Variants in SESN1 observed in about 807,000 individuals in gnomAD.
SESN1 encodes the protein sestrin 1, also known as sestrin-1.
In SESN1, 30 loss-of-function variants were observed where a neutral mutation model predicts 59.3. The ratio of observed to expected loss-of-function variants is 0.51; its 90% CI spans 0.38 to 0.69. SESN1 has a LOEUF of 0.69. Among genes scored for constraint, SESN1 ranks in the 30% least tolerant of loss-of-function variants. The pLI is 0.00. For missense variants in SESN1, 566 were observed against 673.0 expected (o/e 0.84, Z 1.76); for synonymous variants, 197 against 219.9 (o/e 0.90, Z 0.92).
chr6:108,995,203 T>C (rs1054556705), intron 5 of SESN1, among the ~76,000 whole-genome samples: 2 of 152,226 alleles, frequency 1.3e-5, no homozygotes, highest in Non-Finnish European at 2.9e-5. Flanking sequence ...TATGCTGTTT[T>C]AAACTACTTG....
chr6:109,033,796 T>C (rs1416436283), intron 1 of SESN1, among the ~76,000 whole-genome samples: 2 of 152,168 alleles, frequency 1.3e-5, no homozygotes, highest in Admixed American at 1.3e-4. Flanking sequence ...AGAAGAAATA[T>C]TTATAATAAA....
At chr6:109,056,855 G>C (rs1394785151) in intron 1 of SESN1, among the ~76,000 whole-genome samples, 1 of 152,124 alleles carries the variant, frequency 6.6e-6, no homozygotes, top group African/African-American at 2.4e-5. Flanking sequence ...ACAGAATATG[G>C]CAGGAGTGAT....
chr6:109,080,784 C>A (rs1435784379), intron 1 of SESN1, among the ~76,000 whole-genome samples: 1 of 151,986 alleles, frequency 6.6e-6, no homozygotes, highest in Non-Finnish European at 1.5e-5. Flanking sequence ...ACTGAGCATC[C>A]CTAATCCAAA....
chr6:109,062,494 T>TCACAGTGTCCCA (rs1780749237), intron 1 of SESN1, among the ~76,000 whole-genome samples: 1 of 152,324 alleles, frequency 6.6e-6, no homozygotes, highest in East Asian at 1.9e-4. Flanking sequence ...ATCCCTTCTC[T>TCACAGTGTCCCA]CACAGTGTCC....
intron 1 of SESN1, among the ~76,000 whole-genome samples, chr6:109,023,072 A>G (rs990596297): frequency 2.6e-5 from 4 of 152,178 alleles, no homozygotes; most frequent in African/African-American, 9.7e-5. Flanking sequence ...AATCAGTAGA[A>G]CAGTATCCCT....
At chr6:109,081,860 T>C (rs1299095074) in intron 1 of SESN1, among the ~76,000 whole-genome samples, 2 of 152,238 alleles carry the variant, frequency 1.3e-5, no homozygotes, top group Non-Finnish European at 2.9e-5. Flanking sequence ...TTCTGCTTAG[T>C]ATGTCAAGCT....
chr6:109,038,941 G>A lies in SESN1; in HGVS notation c.280-36598C>T, dbSNP rs1024365492. Among the ~76,000 whole-genome samples the A allele has an allele frequency of 2.0e-4, 30 of 149,868 alleles. No individual in the cohort carries two copies. The South Asian group carries it at 2.8e-3, about 14-fold the overall frequency. ...GGAGGAGGAGGAGAAGAAAAGAGAA[G>A]AAGAAAAGAAGGGAGAAGGGAGAAG... On this transcript the variant is annotated intron_variant, in intron 1 of 9. Transcript: ENST00000436639.
intron 1 of SESN1, among the ~76,000 whole-genome samples, chr6:109,085,959 A>G (rs1781207683): frequency 6.6e-6 from 1 of 152,216 alleles, no homozygotes; most frequent in Non-Finnish European, 1.5e-5. Flanking sequence ...AGTCCATGCT[A>G]ATTTGCTACA....
At chr6:109,057,920 C>T (rs866395405) in intron 1 of SESN1, among the ~76,000 whole-genome samples, 1 of 152,102 alleles carries the variant, frequency 6.6e-6, no homozygotes, top group Non-Finnish European at 1.5e-5. Context: ...GAACATGTTT[C>T]AGCCCAAGAG....
chr6:109,060,810 A>C (rs975436274), intron 1 of SESN1, among the ~76,000 whole-genome samples: 13 of 152,204 alleles, frequency 8.5e-5, no homozygotes, highest in Non-Finnish European at 1.3e-4. Flanking sequence ...TGTTCTCCAC[A>C]AGACGAATGA....
intron 1 of SESN1, among the ~76,000 whole-genome samples, chr6:109,092,123 G>C (rs1781324957): frequency 6.6e-6 from 1 of 152,224 alleles, no homozygotes; most frequent in South Asian, 2.1e-4. Context: ...CCTTTTGCAG[G>C]ATGAAAGAGT....
chr6:109,027,501 A>G (rs1428626812), intron 1 of SESN1, among the ~76,000 whole-genome samples: 1 of 151,082 alleles, frequency 6.6e-6, no homozygotes, highest in Non-Finnish European at 1.5e-5. Context: ...AAAAAAAAAA[A>G]AGAGACATCT....
At chr6:109,012,580 A>G (rs1393707096) in intron 1 of SESN1, among the ~76,000 whole-genome samples, 1 of 152,196 alleles carries the variant, frequency 6.6e-6, no homozygotes, top group Non-Finnish European at 1.5e-5. Context: ...ATGGTGGTTC[A>G]AGATAGGCTT....
chr6:109,046,734 C>A (rs1461642161), intron 1 of SESN1, among the ~76,000 whole-genome samples: 1 of 137,946 alleles, frequency 7.2e-6, no homozygotes. Flanking sequence ...TCTGCCCCGC[C>A]GCCCCATCTG....
intron 1 of SESN1, among the ~76,000 whole-genome samples, chr6:109,079,702 T>C (rs1353835303): frequency 6.6e-6 from 1 of 152,216 alleles, no homozygotes; most frequent in Non-Finnish European, 1.5e-5. Context: ...GTTTGCTTTT[T>C]AAGAAATCAA....
intron 1 of SESN1, among the ~76,000 whole-genome samples, chr6:109,039,011 GAGAA>G (rs933178707): frequency 8.1e-5 from 12 of 147,434 alleles, no homozygotes; most frequent in Non-Finnish European, 1.0e-4. Flanking sequence ...AAAGAAGAAA[GAGAA>G]AGAAAGAAAA....
At position 109,094,171 on chromosome 6, in the gene SESN1, G is replaced by C; in HGVS notation, c.-98C>G. 7.5e-7 allele frequency: 1 copy of C among 1,330,464 alleles called. No homozygotes were observed. The highest frequency in any genetic ancestry group is 1.4e-5 in the South Asian group (1 of 70,832). The allele number at this position is 1,330,464 out of a possible 1,614,324, so 82.4% of individuals were successfully genotyped here. ...AATGAAAAATGTAAAAATAAAATCAGAGAAATCAAATCGTCATGAAAACAC... is the reference window on the plus strand; with the variant it reads ...AATGAAAAATGTAAAAATAAAATCACAGAAATCAAATCGTCATGAAAACAC... On this transcript the variant is annotated 5_prime_UTR_variant, in exon 1 of 10. Transcript: ENST00000436639.
chr6:109,052,939 C>T (rs1031838891), intron 1 of SESN1, among the ~76,000 whole-genome samples: 2 of 152,076 alleles, frequency 1.3e-5, no homozygotes, highest in African/African-American at 2.4e-5. Flanking sequence ...GGGAGACAGA[C>T]ATTAATCAAA....
intron 1 of SESN1, among the ~76,000 whole-genome samples, chr6:109,049,409 G>A (rs368915334): frequency 6.6e-6 from 1 of 151,916 alleles, no homozygotes; most frequent in Non-Finnish European, 1.5e-5. Context: ...AATATGAAGA[G>A]ATCTGCTAAA....
Sources: gnomAD v4.1 joint callset for allele counts (sites outside exome capture counted in the v4.1 genomes callset) on GRCh38, gnomAD v4.1.1 for gene constraint, MANE v1.5 for transcripts, NCBI Gene and HGNC (gene_info 2026-07-23, HGNC 2026-07-21) for gene names.